Variants in NAA35 observed in about 807,000 individuals in gnomAD.
NAA35 encodes N-alpha-acetyltransferase 35, NatC auxiliary subunit.
NAA35 carries 18 observed loss-of-function variants against 101.7 expected under a neutral mutation model. The ratio of observed to expected loss-of-function variants is 0.18; its 90% confidence interval spans 0.12 to 0.26. NAA35 has a LOEUF of 0.26. Ranked by LOEUF, NAA35 falls within the 10% of genes least tolerant of loss-of-function variation. NAA35 has a pLI of 1.00. For missense variants in NAA35, 601 were observed against 886.8 expected (o/e 0.68, Z 4.09); for synonymous variants, 267 against 273.1 (o/e 0.98, Z 0.22).
Position 86,013,740 on chromosome 9 carries a change from C to T in NAA35, c.1411C>T (p.Leu471Phe), listed in dbSNP as rs1832068526. The T allele has an allele frequency of 1.2e-6, 2 of 1,614,066 alleles. No individual in the cohort carries two copies. Among genetic ancestry groups the T allele is most frequent in the Non-Finnish European group, 1.7e-6 (2 of 1,179,940 alleles). ...ATAGGCAGAGAAGGTTGATGCAGCG[C>T]TTCACACCATGCTGTTGAAACAGGA... ...QDEAEKVDAA[L>F]HTMLLKQEPQ... The change falls in exon 17 of 23, where the codon CTT becomes TTT. Residue 471 changes from leucine to phenylalanine, a missense_variant. Transcript: ENST00000361671.
In NAA35 at chr9:86,016,424, T is replaced by C. The variant is rs554077843; in HGVS notation, c.1569-115T>C. Reference sequence around the variant, plus strand: ...AAGATCTAATCTATTATCTAATGAATGATCTGTTTTTAAAGACCTAAAGCA... The same window carrying C: ...AAGATCTAATCTATTATCTAATGAACGATCTGTTTTTAAAGACCTAAAGCA... On this transcript the variant is annotated intron_variant, in intron 17 of 22. Coordinates refer to ENST00000361671, the MANE Select transcript of NAA35 (RefSeq NM_024635.4). The C allele has an allele frequency of 1.0e-5, 8 of 794,964 alleles. No individual in the cohort carries two copies. The East Asian group carries it at 1.3e-4, about 13-fold the overall frequency. The allele number at this position is 794,964 out of a possible 1,614,324, so 49.2% of individuals were successfully genotyped here. A position where few individuals can be genotyped will look rare whatever the true frequency, so the allele number is the denominator to read the frequency against.
At chr9:85,975,841 A>G (rs1383975657) in intron 8 of NAA35, among the ~76,000 whole-genome samples, 1 of 152,176 alleles carries the variant, frequency 6.6e-6, no homozygotes, top group Non-Finnish European at 1.5e-5. Flanking sequence ...TAGCTGGTAC[A>G]GTGTCTGGAA....
chr9:86,014,345 T>G (rs1038502534), intron 17 of NAA35: 1 of 977,694 alleles, frequency 1.0e-6, no homozygotes, highest in Non-Finnish European at 1.2e-6. Flanking sequence ...TCAGGAGCTT[T>G]GGAGTTGATA....
At position 86,000,529 on chromosome 9, in the gene NAA35, C is replaced by CT. The variant is rs1018413934; in HGVS notation, c.1057-3046dup. Among the ~76,000 whole-genome samples the CT allele has an allele frequency of 3.6e-3, 518 of 145,684 alleles. 4 individuals are homozygous for CT. Among genetic ancestry groups the CT allele is most frequent in the African/African-American group, 0.012 (475 of 39,828 alleles). ...ACCTGTGAATCCATCACGTCCTGGC[C>CT]TTTTTTTTTTGGTTGGTAGGTTATT... On this transcript the variant is annotated intron_variant, in intron 12 of 22. Coordinates refer to ENST00000361671, the MANE Select transcript of NAA35 (RefSeq NM_024635.4).
In NAA35 at chr9:86,018,792, T is replaced by C. The variant is rs755446911; in HGVS notation, c.2008T>C (p.Leu670=). 21 of 1,613,952 alleles carry C rather than the reference T, an allele frequency of 1.3e-5. No individual in the cohort carries two copies. Among genetic ancestry groups the C allele is most frequent in the Middle Eastern group, 1.6e-4 (1 of 6,082 alleles). ...SKHFQQAKMI[L]ENIPNPDHEV... ...GCACTTTCAACAGGCAAAAATGATA[T>C]TGGAAAATATTCCTAACCCGGACCA... Residue 670 remains leucine (L), a synonymous_variant, in exon 21 of 23, where the codon TTG becomes CTG. Coordinates refer to ENST00000361671, the MANE Select transcript of NAA35 (RefSeq NM_024635.4).
intron 4 of NAA35, 90 bp from the exon 5 acceptor site, chr9:85,959,703 G>A: frequency 2.5e-6 from 2 of 785,134 alleles, no homozygotes; most frequent in Non-Finnish European, 4.1e-6. Context: ...TTTAAATATT[G>A]AATGTTAGAA....
At chr9:85,980,248 C>T (rs1275876487) in intron 11 of NAA35, among the ~76,000 whole-genome samples, 3 of 152,110 alleles carry the variant, frequency 2.0e-5, no homozygotes, top group Admixed American at 6.6e-5. Flanking sequence ...TGAACTGTGT[C>T]CTCCTGAATT....
At position 85,985,694 on chromosome 9, in the gene NAA35, TA is replaced by T. The variant is rs372868216; in HGVS notation, c.877+7320del. On this transcript the variant is annotated intron_variant, in intron 11 of 22. Coordinates refer to ENST00000361671, the MANE Select transcript of NAA35 (RefSeq NM_024635.4). ...TAGTTTCACAACTCTGTTAATGTATTAAAAAAACCATTGAATTGTATACTTT... is the reference window on the plus strand; with the variant it reads ...TAGTTTCACAACTCTGTTAATGTATTAAAAAACCATTGAATTGTATACTTT... Among the ~76,000 whole-genome samples the T allele has an allele frequency of 8.1e-3, 1,233 of 152,260 alleles. 12 individuals are homozygous for T. Among genetic ancestry groups the T allele is most frequent in the South Asian group, 0.034 (162 of 4,822 alleles).
chr9:85,981,026 C>T (rs140192930), intron 11 of NAA35, among the ~76,000 whole-genome samples: 44 of 152,148 alleles, frequency 2.9e-4, no homozygotes, highest in African/African-American at 8.4e-4. Flanking sequence ...TTTTTCTTTC[C>T]GTGCTAAAAT....
At chr9:85,974,600 C>G (rs932326365) in intron 6 of NAA35, among the ~76,000 whole-genome samples, 4 of 152,124 alleles carry the variant, frequency 2.6e-5, no homozygotes, top group Non-Finnish European at 4.4e-5. Context: ...GCAGCACGGT[C>G]ATTTAACAGT....
intron 11 of NAA35, among the ~76,000 whole-genome samples, chr9:85,990,629 A>T (rs989296218): frequency 2.6e-5 from 4 of 152,258 alleles, no homozygotes; most frequent in Non-Finnish European, 5.9e-5. Context: ...AGTGATAACA[A>T]AACTCAGTTC....
chr9:86,021,995 T>G lies in NAA35; in HGVS notation c.*35T>G, dbSNP rs1166079780. 5.1e-6 allele frequency: 8 copies of G among 1,564,890 alleles called. No individual in the cohort carries two copies. Among genetic ancestry groups the G allele is most frequent in the Non-Finnish European group, 6.2e-6 (7 of 1,137,984 alleles). ...GGGAGGTGGCCATAAAGGGGCAGAG[T>G]CTTCTTTCAGACCCAACTCTTAGAG... On this transcript the variant is annotated 3_prime_UTR_variant, in exon 23 of 23. Coordinates refer to ENST00000361671, the MANE Select transcript of NAA35 (RefSeq NM_024635.4).
intron 6 of NAA35, among the ~76,000 whole-genome samples, chr9:85,964,192 G>C (rs1441382375): frequency 6.6e-6 from 1 of 150,706 alleles, no homozygotes; most frequent in Non-Finnish European, 1.5e-5. Flanking sequence ...GCAATTATGG[G>C]AACCAGCACA....
At chr9:85,944,025 T>TTA (rs1299698119) in intron 2 of NAA35, among the ~76,000 whole-genome samples, 1 of 152,186 alleles carries the variant, frequency 6.6e-6, no homozygotes, top group East Asian at 1.9e-4. Context: ...TGAGCTTGTT[T>TTA]TATAGGCAGT....
At chr9:85,953,075 T>C (rs1008812684) in intron 2 of NAA35, among the ~76,000 whole-genome samples, 5 of 152,144 alleles carry the variant, frequency 3.3e-5, no homozygotes, top group African/African-American at 1.2e-4. Flanking sequence ...TAGCCGGGCA[T>C]GGTGGTTTGC....
chr9:85,941,497 C>T, intron 1 of NAA35: 1 of 985,522 alleles, frequency 1.0e-6, no homozygotes, highest in Non-Finnish European at 1.2e-6. Flanking sequence ...CCGGACGTGC[C>T]CGCCCTCCCG....
rs533795552 is a variant in NAA35 at position 85,941,881 on chromosome 9, T to C, written c.-5-274T>C. On this transcript the variant is annotated intron_variant, in intron 1 of 22. Transcript: ENST00000361671. ...TGTTCTTTTCGGGCCAGAGGTGAGATGGTTTGTGATTTTTCTTCTTAAACA... is the reference window on the plus strand; with the variant it reads ...TGTTCTTTTCGGGCCAGAGGTGAGACGGTTTGTGATTTTTCTTCTTAAACA... The C allele has an allele frequency of 9.2e-5, 105 of 1,142,070 alleles. No homozygotes were observed. In the African/African-American group the frequency reaches 1.6e-3, roughly 17 times the overall value. The allele number at this position is 1,142,070 out of a possible 1,614,324, so 70.7% of individuals were successfully genotyped here. A position where few individuals can be genotyped will look rare whatever the true frequency, so the allele number is the denominator to read the frequency against.
Position 85,958,424 on chromosome 9 carries a change from G to C in NAA35, c.159-48G>C, listed in dbSNP as rs1385490241. Reference sequence around the variant, plus strand: ...TATACCGTTGTGAAAATATGAATAAGCTTACTGGCTCAAAAACAATTTGTT... The same window carrying C: ...TATACCGTTGTGAAAATATGAATAACCTTACTGGCTCAAAAACAATTTGTT... On this transcript the variant is annotated intron_variant, in intron 3 of 22. Transcript: ENST00000361671. 3 of 1,157,512 alleles carry C rather than the reference G, an allele frequency of 2.6e-6. No homozygotes were observed. The African/African-American group carries it at 4.6e-5, about 18-fold the overall frequency. The allele number at this position is 1,157,512 out of a possible 1,614,324, so 71.7% of individuals were successfully genotyped here.
chr9:85,941,773 A>T, intron 1 of NAA35: 4 of 991,892 alleles, frequency 4.0e-6, no homozygotes, highest in Non-Finnish European at 4.8e-6. Context: ...TAGCTGCCGC[A>T]TGGGGTCCTG....
Sources: gnomAD v4.1 joint callset for allele counts (sites outside exome capture counted in the v4.1 genomes callset) on GRCh38, gnomAD v4.1.1 for gene constraint, MANE v1.5 for transcripts, NCBI Gene and HGNC (gene_info 2026-07-23, HGNC 2026-07-21) for gene names.